Variants in FAM117A observed in about 807,000 individuals in gnomAD.
FAM117A encodes the protein family with sequence similarity 117 member A.
A neutral mutation model predicts 44.1 loss-of-function variants in FAM117A; 21 were observed. The ratio of observed to expected loss-of-function variants is 0.48; its 90% CI spans 0.34 to 0.69. The LOEUF (loss-of-function observed/expected upper bound fraction) is 0.69. Ranked by LOEUF, FAM117A falls within the 30% of genes least tolerant of loss-of-function variation. FAM117A has a pLI of 0.01. For missense variants in FAM117A, 498 were observed against 589.9 expected (o/e 0.84, Z 1.61); for synonymous variants, 220 against 238.3 (o/e 0.92, Z 0.71).
intron 2 of FAM117A, among the ~76,000 whole-genome samples, chr17:49,727,200 G>A (rs1366482737): frequency 6.6e-6 from 1 of 151,936 alleles, no homozygotes; most frequent in South Asian, 2.1e-4. Flanking sequence ...GAGGTCAGGA[G>A]TTCAAGACCA....
At chr17:49,731,829 A>G (rs1482047632) in intron 2 of FAM117A, among the ~76,000 whole-genome samples, 4 of 152,192 alleles carry the variant, frequency 2.6e-5, no homozygotes, top group African/African-American at 9.7e-5. Flanking sequence ...TCTGTCACCC[A>G]GGATGGAATG....
At chr17:49,777,251 G>A (rs2073777852) in intron 1 of FAM117A, among the ~76,000 whole-genome samples, 1 of 152,160 alleles carries the variant, frequency 6.6e-6, no homozygotes, top group Admixed American at 6.5e-5. Context: ...TATACTCAGT[G>A]ATTAATAGGC....
intron 7 of FAM117A, 75 bp from the exon 8 acceptor site, chr17:49,711,630 G>A: frequency 7.1e-7 from 1 of 1,415,222 alleles, no homozygotes; most frequent in Non-Finnish European, 9.9e-7. Context: ...AGGGTGAGAT[G>A]TCACAGCATC....
At chr17:49,745,000 C>T (rs1252550013) in intron 1 of FAM117A, among the ~76,000 whole-genome samples, 3 of 119,820 alleles carry the variant, frequency 2.5e-5, no homozygotes, top group Non-Finnish European at 4.9e-5. Flanking sequence ...GGAGACAGAG[C>T]GAGACTCTGT....
At chr17:49,764,324 G>C (rs1435951689), upstream of FAM117A, among the ~76,000 whole-genome samples, 1 of 152,082 alleles carries the variant, frequency 6.6e-6, no homozygotes, top group Non-Finnish European at 1.5e-5. Context: ...CCCTCACACC[G>C]CCCCCTTCGG....
intron 1 of FAM117A, among the ~76,000 whole-genome samples, chr17:49,769,816 A>G (rs575885669): frequency 6.6e-6 from 1 of 152,292 alleles, no homozygotes; most frequent in South Asian, 2.1e-4. Context: ...TGGAAGAAAC[A>G]GTAGAAACTA....
chr17:49,742,215 G>A (rs2073637354), intron 1 of FAM117A, among the ~76,000 whole-genome samples: 1 of 152,166 alleles, frequency 6.6e-6, no homozygotes, highest in Non-Finnish European at 1.5e-5. Context: ...ATATTTAAGT[G>A]TACAGCTTAA....
At chr17:49,759,144 CCT>C (rs1166344808) in intron 1 of FAM117A, among the ~76,000 whole-genome samples, 9 of 152,124 alleles carry the variant, frequency 5.9e-5, no homozygotes, top group African/African-American at 2.2e-4. Context: ...TGTTCTCACC[CCT>C]CTGACACTGA....
chr17:49,770,910 A>G (rs2073759233), intron 1 of FAM117A, among the ~76,000 whole-genome samples: 1 of 151,784 alleles, frequency 6.6e-6, no homozygotes, highest in Non-Finnish European at 1.5e-5. Context: ...TCTCAAAAAA[A>G]TAAAAATAAA....
chr17:49,744,994 A>T (rs1415376020), intron 1 of FAM117A, among the ~76,000 whole-genome samples: 1 of 143,170 alleles, frequency 7.0e-6, no homozygotes, highest in Non-Finnish European at 1.5e-5. Context: ...AGCCTGGGAG[A>T]CAGAGCGAGA....
chr17:49,782,701 A>AAAC (rs2073793477), intron 1 of FAM117A, among the ~76,000 whole-genome samples: 5 of 147,696 alleles, frequency 3.4e-5, no homozygotes, highest in Non-Finnish European at 4.5e-5. Flanking sequence ...AAAAAAAAAA[A>AAAC]AAAAAAAAAA....
exon 1 of FAM117A, chr17:49,788,561 G>A: frequency 2.5e-6 from 1 of 399,598 alleles, no homozygotes; most frequent in South Asian, 6.5e-5. Context: ...CTTCAAAATG[G>A]CGCCCACTAG....
intron 1 of FAM117A, among the ~76,000 whole-genome samples, chr17:49,754,837 G>A (rs1266584407): frequency 2.0e-5 from 3 of 151,646 alleles, no homozygotes; most frequent in Admixed American, 1.3e-4. Context: ...TCGGGAGTTC[G>A]AGACCAGCCT....
intron 5 of FAM117A, among the ~76,000 whole-genome samples, chr17:49,718,512 A>G (rs1267075847): frequency 6.6e-6 from 1 of 152,012 alleles, no homozygotes; most frequent in African/African-American, 2.4e-5. Context: ...ACTCAAAGAT[A>G]CAAAAAAAAT....
rs2073476715 is a variant in FAM117A at position 49,711,325 on chromosome 17, G to A, written c.1292C>T (p.Pro431Leu). The change falls in exon 8 of 8, where the codon CCA (proline) becomes CTA (leucine). Residue 431 changes from proline to leucine, a missense_variant. Physicochemically the swap from Pro to Leu is moderately conservative, Grantham distance 98. Around this residue, in one of 3 missense-constraint regions of FAM117A, gnomAD observed 224 missense variants for 296.5 expected, o/e 0.76. Transcript: ENST00000240364. Reference sequence around the variant, plus strand: ...TGGGGTGCGCTGCCATGGCTCGAATGGCAGTGGGGAGGCCTTGGAGGCTTC... The same window carrying A: ...TGGGGTGCGCTGCCATGGCTCGAATAGCAGTGGGGAGGCCTTGGAGGCTTC... ...DPEASKASPLPFEPWQRTPPS... is the reference protein window; with the variant it reads ...DPEASKASPLLFEPWQRTPPS... The A allele has an allele frequency of 6.2e-7, 1 of 1,609,790 alleles. No homozygotes were observed. Among genetic ancestry groups the A allele is most frequent in the Non-Finnish European group, 8.5e-7 (1 of 1,177,290 alleles).
Position 49,732,572 on chromosome 17 carries a change from G to A in FAM117A, c.345C>T (p.Cys115=), listed in dbSNP as rs2073590350. The A allele has an allele frequency of 2.5e-6, 4 of 1,614,040 alleles. No homozygotes were observed. The South Asian group carries it at 3.3e-5, about 13-fold the overall frequency. The part of the protein sequence containing the change: ...PRDADGAFTC[C]TNDKATQTPL... ...TTACCTGGGTGGCCTTGTCATTGGT[G>A]CAGCAGGTGAAGGCCCCATCAGCAT... Residue 115 remains cysteine, a synonymous_variant, in exon 2 of 8, where the codon TGC becomes TGT. Transcript: ENST00000240364.
intron 1 of FAM117A, among the ~76,000 whole-genome samples, chr17:49,748,891 G>A (rs973846191): frequency 6.6e-6 from 1 of 152,146 alleles, no homozygotes. Context: ...TTTGGTGTGA[G>A]AGGAAAGGGG....
At chr17:49,715,695 C>T (rs915225938) in intron 7 of FAM117A, among the ~76,000 whole-genome samples, 1 of 152,090 alleles carries the variant, frequency 6.6e-6, no homozygotes, top group African/African-American at 2.4e-5. Flanking sequence ...GACTTGACTC[C>T]GAAGCTCAAA....
At chr17:49,745,447 C>T (rs1229228415) in intron 1 of FAM117A, among the ~76,000 whole-genome samples, 3 of 152,204 alleles carry the variant, frequency 2.0e-5, no homozygotes, top group African/African-American at 7.2e-5. Context: ...CCAGAAACCA[C>T]TTACAAAGAG....
Sources: gnomAD v4.1 joint callset for allele counts (sites outside exome capture counted in the v4.1 genomes callset) on GRCh38, gnomAD v4.1.1 for gene constraint, gnomAD v4.1.1 regional missense constraint, MANE v1.5 for transcripts, NCBI Gene and HGNC (gene_info 2026-07-23, HGNC 2026-07-21) for gene names.